Variants in KCNQ3 observed in about 807,000 individuals in gnomAD.
KCNQ3 encodes potassium voltage-gated channel subfamily Q member 3, also known as potassium voltage-gated channel subfamily KQT member 3.
In KCNQ3, 30 loss-of-function variants were observed where a neutral mutation model predicts 92.5. That is an observed-to-expected ratio of 0.32 (90% CI 0.24 to 0.44). The LOEUF is 0.44. KCNQ3 is among the 20% of genes least tolerant of loss of function. KCNQ3 has a pLI of 1.00. For missense variants in KCNQ3, 913 were observed against 1,140.3 expected, an observed-to-expected ratio of 0.80 and a Z score of 2.87; for synonymous variants, 450 against 468.8, an observed-to-expected ratio of 0.96 and a Z score of 0.52.
intron 1 of KCNQ3, among the ~76,000 whole-genome samples, chr8:132,218,866 G>A (rs146673076): frequency 2.6e-5 from 4 of 152,156 alleles, no homozygotes; most frequent in Admixed American, 1.3e-4. Context: ...TGGAGGCCCA[G>A]TCTCCCTTCC....
chr8:132,356,410 C>T (rs1819018736), intron 1 of KCNQ3, among the ~76,000 whole-genome samples: 1 of 152,194 alleles, frequency 6.6e-6, no homozygotes, highest in African/African-American at 2.4e-5. Context: ...TTTAAGACTA[C>T]ACATTCAAGT....
At chr8:132,140,313 C>T in intron 10 of KCNQ3, 135 bp from the exon 11 acceptor site, 1 of 632,936 alleles carries the variant, frequency 1.6e-6, no homozygotes, top group Non-Finnish European at 2.8e-6. Context: ...TTGCAAGACT[C>T]CACGGTATTC....
chr8:132,159,123 A>ATAGT (rs1825902256), intron 9 of KCNQ3, among the ~76,000 whole-genome samples: 1 of 152,210 alleles, frequency 6.6e-6, no homozygotes, highest in Non-Finnish European at 1.5e-5. Flanking sequence ...TGTCTACTGA[A>ATAGT]TAGTTATTAT....
chr8:132,135,176 G>A (rs1323840731), intron 12 of KCNQ3, among the ~76,000 whole-genome samples: 1 of 152,148 alleles, frequency 6.6e-6, no homozygotes, highest in Non-Finnish European at 1.5e-5. Context: ...GCTGTATATG[G>A]TTTTCTGTTC....
At chr8:132,370,877 T>G (rs1290747441) in intron 1 of KCNQ3, among the ~76,000 whole-genome samples, 2 of 152,188 alleles carry the variant, frequency 1.3e-5, no homozygotes, top group Non-Finnish European at 2.9e-5. Context: ...CAGTACCCAG[T>G]GAAGTCAGTC....
intron 1 of KCNQ3, among the ~76,000 whole-genome samples, chr8:132,472,745 A>G (rs1448892513): frequency 1.3e-5 from 2 of 152,216 alleles, no homozygotes; most frequent in Non-Finnish European, 2.9e-5. Flanking sequence ...AATTCAAAAC[A>G]GCTAAGAGAG....
intron 1 of KCNQ3, among the ~76,000 whole-genome samples, chr8:132,478,943 G>A (rs1822474588): frequency 6.6e-6 from 1 of 150,650 alleles, no homozygotes; most frequent in South Asian, 2.1e-4. Flanking sequence ...AGAATAGAGA[G>A]GAAAATCCAC....
intron 1 of KCNQ3, among the ~76,000 whole-genome samples, chr8:132,262,278 A>G (rs1399835444): frequency 6.6e-6 from 1 of 152,248 alleles, no homozygotes; most frequent in African/African-American, 2.4e-5. Flanking sequence ...TTTGGGGGTC[A>G]TAAAATGTCT....
At chr8:132,158,672 C>A (rs1299291193) in intron 9 of KCNQ3, among the ~76,000 whole-genome samples, 1 of 152,188 alleles carries the variant, frequency 6.6e-6, no homozygotes, top group African/African-American at 2.4e-5. Context: ...TGACCTTCTG[C>A]AAGTCACTTA....
chr8:132,345,449 G>A (rs1378811872), intron 1 of KCNQ3, among the ~76,000 whole-genome samples: 2 of 152,214 alleles, frequency 1.3e-5, no homozygotes, highest in African/African-American at 4.8e-5. Flanking sequence ...TGGGGATGCA[G>A]TGAACAAGAT....
intron 9 of KCNQ3, among the ~76,000 whole-genome samples, chr8:132,147,033 T>A (rs1020963481): frequency 3.9e-5 from 6 of 152,148 alleles, no homozygotes; most frequent in South Asian, 2.1e-4. Context: ...TTTAAAAAAA[T>A]TTAAAAAGAA....
chr8:132,193,621 C>T lies in KCNQ3; in HGVS notation c.387-7440G>A, dbSNP rs545732294. Among the ~76,000 whole-genome samples, 4 of 152,332 alleles carry T rather than the reference C, an allele frequency of 2.6e-5. No homozygotes were observed. The East Asian group carries it at 7.7e-4, about 29-fold the overall frequency. ...GAGTTAAGGTTGCCAGCCAAACATC[C>T]CCTCACAGGCTTCATTCACAGTGAG... On this transcript the variant is annotated intron_variant, in intron 1 of 14. Coordinates refer to ENST00000388996, the MANE Select transcript of KCNQ3 (RefSeq NM_004519.4).
At chr8:132,417,101 G>C (rs953955396) in intron 1 of KCNQ3, among the ~76,000 whole-genome samples, 1 of 152,174 alleles carries the variant, frequency 6.6e-6, no homozygotes, top group Non-Finnish European at 1.5e-5. Flanking sequence ...AACCTGACAG[G>C]CTGTACGAGT....
At chr8:132,130,048 G>C (rs375348098) in intron 14 of KCNQ3, 52 bp from the exon 15 acceptor site, 1 of 1,563,864 alleles carries the variant, frequency 6.4e-7, no homozygotes, top group Non-Finnish European at 8.7e-7. Flanking sequence ...GGTGGGGATC[G>C]TTGCTATTGG....
chr8:132,200,717 A>G (rs1219632357), intron 1 of KCNQ3, among the ~76,000 whole-genome samples: 1 of 152,164 alleles, frequency 6.6e-6, no homozygotes, highest in Non-Finnish European at 1.5e-5. Flanking sequence ...CTTCTTTAGT[A>G]CTGTGATAAA....
At chr8:132,289,165 G>C (rs1278663369) in intron 1 of KCNQ3, among the ~76,000 whole-genome samples, 1 of 152,174 alleles carries the variant, frequency 6.6e-6, no homozygotes, top group Non-Finnish European at 1.5e-5. Flanking sequence ...ACATAGCTGG[G>C]TCCTCATTCA....
intron 2 of KCNQ3, 139 bp from the exon 3 acceptor site, chr8:132,184,506 G>T: frequency 1.2e-6 from 1 of 843,556 alleles, no homozygotes; most frequent in Non-Finnish European, 1.9e-6. Flanking sequence ...GGCTGGGGAT[G>T]GGGGTGGGGA....
At chr8:132,292,220 T>C (rs1401507726) in intron 1 of KCNQ3, among the ~76,000 whole-genome samples, 1 of 152,212 alleles carries the variant, frequency 6.6e-6, no homozygotes, top group Non-Finnish European at 1.5e-5. Flanking sequence ...ACCTCAAGTG[T>C]CTTGATTTCC....
intron 1 of KCNQ3, among the ~76,000 whole-genome samples, chr8:132,228,759 G>GA (rs34561294): frequency 5.9e-3 from 694 of 118,170 alleles, no homozygotes; most frequent in Middle Eastern, 0.018. Flanking sequence ...GCTGACTCTT[G>GA]AAAAAAAAAA....
Sources: gnomAD v4.1 joint callset for allele counts (sites outside exome capture counted in the v4.1 genomes callset) on GRCh38, gnomAD v4.1.1 for gene constraint, MANE v1.5 for transcripts, NCBI Gene and HGNC (gene_info 2026-07-23, HGNC 2026-07-21) for gene names.